Variants in RPS6KC1 observed in about 807,000 individuals in gnomAD.
The protein encoded by RPS6KC1 is inactive ribosomal protein S6 kinase delta-1.
RPS6KC1 carries 54 observed loss-of-function variants against 103.8 expected under a neutral mutation model. The observed-to-expected ratio is 0.52, with a 90% CI of 0.42 to 0.65. The LOEUF is 0.65. Ranked by LOEUF, RPS6KC1 falls within the 30% of genes least tolerant of loss-of-function variation. RPS6KC1 has a pLI of 0.00. For synonymous variants in RPS6KC1, 439 were observed against 438.7 expected (o/e 1.00, Z -0.01); for missense variants, 1,151 against 1,253.8 (o/e 0.92, Z 1.24).
chr1:213,437,244 T>G, the RPS6KC1 span, among the ~76,000 whole-genome samples: 1 of 152,096 alleles, frequency 6.6e-6, no homozygotes, highest in Non-Finnish European at 1.5e-5. Context: ...TATTAAATGT[T>G]TTTTCTGCAT....
At chr1:213,616,801 G>T in the RPS6KC1 span, among the ~76,000 whole-genome samples, 1 of 152,158 alleles carries the variant, frequency 6.6e-6, no homozygotes, top group African/African-American at 2.4e-5. Context: ...TCCTGGGATT[G>T]GGATAAACTT....
chr1:213,482,643 G>T, the RPS6KC1 span, among the ~76,000 whole-genome samples: 2 of 143,798 alleles, frequency 1.4e-5, no homozygotes, highest in Non-Finnish European at 3.0e-5. Flanking sequence ...CTACCTCCTG[G>T]GCTCAAGCGA....
At chr1:213,476,296 T>G in the RPS6KC1 span, among the ~76,000 whole-genome samples, 2 of 152,178 alleles carry the variant, frequency 1.3e-5, no homozygotes, top group South Asian at 4.1e-4. Flanking sequence ...GTTTCCTAAA[T>G]GATAGTGGAT....
intron 10 of RPS6KC1, among the ~76,000 whole-genome samples, chr1:213,236,051 G>T (rs1351487962): frequency 6.6e-6 from 1 of 152,164 alleles, no homozygotes; most frequent in Non-Finnish European, 1.5e-5. Context: ...ATCAGCAGTG[G>T]CATTAGATTC....
At chr1:213,483,284 C>T in the RPS6KC1 span, among the ~76,000 whole-genome samples, 1 of 152,168 alleles carries the variant, frequency 6.6e-6, no homozygotes, top group East Asian at 1.9e-4. Context: ...CTGGGTCCCT[C>T]CCATGACGTG....
the RPS6KC1 span, among the ~76,000 whole-genome samples, chr1:213,551,799 A>T: frequency 6.6e-6 from 1 of 152,326 alleles, no homozygotes; most frequent in East Asian, 1.9e-4. Context: ...GGTATTCACC[A>T]TTGTAGCATC....
At chr1:213,429,689 G>A in the RPS6KC1 span, among the ~76,000 whole-genome samples, 1 of 152,108 alleles carries the variant, frequency 6.6e-6, no homozygotes, top group East Asian at 1.9e-4. Flanking sequence ...CACCTCTCAG[G>A]AAGTTCTTCT....
At chr1:213,464,920 A>G in the RPS6KC1 span, among the ~76,000 whole-genome samples, 3 of 152,042 alleles carry the variant, frequency 2.0e-5, no homozygotes, top group Admixed American at 2.0e-4. Flanking sequence ...TGCAGGGAAT[A>G]TCGGCTGCTA....
intron 3 of RPS6KC1, among the ~76,000 whole-genome samples, chr1:213,101,470 A>C (rs1016461774): frequency 6.6e-6 from 1 of 152,318 alleles, no homozygotes; most frequent in African/African-American, 2.4e-5. Context: ...AGAAACAATA[A>C]ATCAATAGCA....
the RPS6KC1 span, among the ~76,000 whole-genome samples, chr1:213,290,139 C>T: frequency 2.1e-5 from 2 of 93,468 alleles, no homozygotes; most frequent in African/African-American, 5.1e-5. Flanking sequence ...AGCGGGACTC[C>T]GTCTCAAAAA....
chr1:213,760,853 T>TG, the RPS6KC1 span, among the ~76,000 whole-genome samples: 1 of 150,680 alleles, frequency 6.6e-6, no homozygotes, highest in African/African-American at 2.4e-5. Context: ...GTCTACTTTT[T>TG]TTTTTTTTTT....
Position 213,145,994 on chromosome 1 carries a change from T to TG in RPS6KC1, c.835+16107dup, listed in dbSNP as rs1326765100. Among the ~76,000 whole-genome samples the TG allele has an allele frequency of 3.4e-4, 35 of 102,650 alleles. 1 individual carries two copies. In the South Asian group the frequency reaches 6.6e-3, roughly 19 times the overall value. The allele number at this position is 102,650 out of a possible 152,430, so 67.3% of individuals were successfully genotyped here. On this transcript the variant is annotated intron_variant, in intron 6 of 14. Coordinates refer to ENST00000366960, the MANE Select transcript of RPS6KC1 (RefSeq NM_012424.6). ...TTTTTTTTTTTTTTTTTTTTTTTTT[T>TG]GGTATATGTTAATCATCCCACCTCC... is the stretch of plus-strand genomic sequence containing the variant.
chr1:213,401,109 T>G, the RPS6KC1 span, among the ~76,000 whole-genome samples: 2 of 152,166 alleles, frequency 1.3e-5, no homozygotes, highest in East Asian at 3.8e-4. Context: ...GCTTAGAGCC[T>G]TGGAACCATG....
chr1:213,696,992 AC>A, the RPS6KC1 span, among the ~76,000 whole-genome samples: 1 of 152,166 alleles, frequency 6.6e-6, no homozygotes, highest in Non-Finnish European at 1.5e-5. Context: ...TATACTTCTG[AC>A]CCACTGGCTA....
At chr1:213,439,525 A>G in the RPS6KC1 span, among the ~76,000 whole-genome samples, 1 of 152,178 alleles carries the variant, frequency 6.6e-6, no homozygotes, top group Non-Finnish European at 1.5e-5. Flanking sequence ...TTTTGTGGAA[A>G]CAGATACTGA....
the RPS6KC1 span, among the ~76,000 whole-genome samples, chr1:213,763,593 A>C: frequency 6.6e-6 from 1 of 152,226 alleles, no homozygotes; most frequent in Admixed American, 6.5e-5. Flanking sequence ...TTTTCTGATT[A>C]TCTTCAGGGT....
At chr1:213,276,682 C>G (rs1032621891), downstream of RPS6KC1, among the ~76,000 whole-genome samples, 6 of 152,056 alleles carry the variant, frequency 3.9e-5, no homozygotes, top group Admixed American at 3.3e-4. Flanking sequence ...TCTAGTAATC[C>G]TAGATGCTTG....
the RPS6KC1 span, among the ~76,000 whole-genome samples, chr1:213,372,947 G>T: frequency 1.3e-5 from 2 of 152,076 alleles, no homozygotes; most frequent in South Asian, 2.1e-4. Context: ...TTAAACTGTG[G>T]TTGTAATGTT....
At chr1:213,237,972 T>C (rs548747463) in intron 10 of RPS6KC1, among the ~76,000 whole-genome samples, 4 of 152,234 alleles carry the variant, frequency 2.6e-5, no homozygotes, top group South Asian at 4.1e-4. Flanking sequence ...TTCTTACTTA[T>C]AGATTCTTTT....
Sources: allele counts gnomAD v4.1 joint callset (sites outside exome capture counted in the v4.1 genomes callset), GRCh38; gene constraint gnomAD v4.1.1; transcripts MANE v1.5; gene names NCBI Gene and HGNC (gene_info 2026-07-23, HGNC 2026-07-21).